SDK1: variants seen among roughly 807,000 people sequenced by gnomAD.
SDK1 encodes protein sidekick-1.
SDK1 carries 157 observed loss-of-function variants against 245.5 expected under a neutral mutation model. That is an observed-to-expected ratio of 0.64 (90% CI 0.56 to 0.73). The LOEUF (loss-of-function observed/expected upper bound fraction) is 0.73. SDK1 is among the 30% of genes least tolerant of loss of function. The probability of loss-of-function intolerance (pLI) is 0.00; values close to 1 mark genes in which losing one functional copy is unlikely to be tolerated. For synonymous variants in SDK1, 1,647 were observed against 1,278.5 expected (o/e 1.29, Z -6.15); for missense variants, 3,583 against 3,002.3 (o/e 1.19, Z -4.52).
intron 1 of SDK1, among the ~76,000 whole-genome samples, chr7:3,527,208 A>C (rs1044716054): frequency 5.9e-5 from 9 of 152,326 alleles, no homozygotes; most frequent in African/African-American, 2.2e-4. Context: ...ACAACGTCTG[A>C]GGCATTGTTG....
At chr7:3,487,081 A>G (rs1156959610) in intron 1 of SDK1, among the ~76,000 whole-genome samples, 1 of 152,192 alleles carries the variant, frequency 6.6e-6, no homozygotes, top group African/African-American at 2.4e-5. Context: ...GTCGCCTTAC[A>G]CAATATGTAA....
chr7:3,436,860 C>G (rs1174416456), intron 1 of SDK1, among the ~76,000 whole-genome samples: 1 of 152,072 alleles, frequency 6.6e-6, no homozygotes, highest in Non-Finnish European at 1.5e-5. Context: ...GTCTACCCTC[C>G]CCAAGAACCT....
rs559506907 is a variant in SDK1 at position 3,566,576 on chromosome 7, T to G, written c.299-52504T>G. 2.0e-5 allele frequency among the ~76,000 whole-genome samples: 3 copies of G among 152,148 alleles called. No individual in the cohort carries two copies. In the East Asian group the frequency reaches 5.8e-4, roughly 29 times the overall value. On this transcript the variant is annotated intron_variant, in intron 1 of 44. Transcript: ENST00000404826. ...GTAGAGGAAAATTGATCCACTTGAT[T>G]TTATCACCATTACAGATTCTGTTCA...
At chr7:3,458,676 A>G (rs1174188651) in intron 1 of SDK1, among the ~76,000 whole-genome samples, 3 of 152,146 alleles carry the variant, frequency 2.0e-5, no homozygotes, top group Non-Finnish European at 4.4e-5. Flanking sequence ...ATTGTTTTCT[A>G]TATAAATGTC....
chr7:3,384,539 T>G (rs1781563305), intron 1 of SDK1, among the ~76,000 whole-genome samples: 2 of 152,224 alleles, frequency 1.3e-5, no homozygotes, highest in Non-Finnish European at 1.5e-5. Flanking sequence ...ACCCAGTGTT[T>G]CCCAAGCTTG....
chr7:4,136,914 A>G (rs1779133458), intron 28 of SDK1, among the ~76,000 whole-genome samples: 1 of 152,240 alleles, frequency 6.6e-6, no homozygotes, highest in Non-Finnish European at 1.5e-5. Flanking sequence ...CCCACAGGCC[A>G]CGGCATCTAG....
At chr7:3,707,094 C>G (rs1264028665) in intron 4 of SDK1, among the ~76,000 whole-genome samples, 1 of 151,974 alleles carries the variant, frequency 6.6e-6, no homozygotes, top group Non-Finnish European at 1.5e-5. Flanking sequence ...CTTCTGCTAG[C>G]TTTGGGTTTA....
At chr7:3,903,437 C>T (rs879723476) in intron 5 of SDK1, among the ~76,000 whole-genome samples, 8 of 152,020 alleles carry the variant, frequency 5.3e-5, no homozygotes, top group Non-Finnish European at 7.4e-5. Context: ...CGAGCCACCG[C>T]GCCCGGCCGA....
intron 5 of SDK1, among the ~76,000 whole-genome samples, chr7:3,870,013 T>A (rs1780918789): frequency 6.6e-6 from 1 of 152,230 alleles, no homozygotes; most frequent in African/African-American, 2.4e-5. Flanking sequence ...CTAAGTGCAG[T>A]GCAAAAGGTT....
chr7:3,636,536 A>G (rs1782461762), intron 2 of SDK1, among the ~76,000 whole-genome samples: 1 of 152,158 alleles, frequency 6.6e-6, no homozygotes, highest in Non-Finnish European at 1.5e-5. Context: ...AAATGCCAGG[A>G]TTTCCTTCTT....
intron 42 of SDK1, among the ~76,000 whole-genome samples, chr7:4,239,860 A>G (rs1786411900): frequency 6.6e-6 from 1 of 152,190 alleles, no homozygotes; most frequent in South Asian, 2.1e-4. Flanking sequence ...GTTCTTAAAA[A>G]GAGGAGCTGG....
chr7:3,602,162 C>G (rs62437877), intron 1 of SDK1, among the ~76,000 whole-genome samples: 28,977 of 150,770 alleles, frequency 0.19, 3,226 homozygotes, highest in South Asian at 0.3. Context: ...CTTTATAGCA[C>G]AATGATTTAT....
At chr7:3,743,379 A>T (rs895637052) in intron 4 of SDK1, among the ~76,000 whole-genome samples, 1 of 152,174 alleles carries the variant, frequency 6.6e-6, no homozygotes, top group African/African-American at 2.4e-5. Flanking sequence ...CATTCAGCCC[A>T]TTCTCCTTGT....
chr7:3,687,469 C>G (rs1435815031), intron 4 of SDK1, among the ~76,000 whole-genome samples: 4 of 152,182 alleles, frequency 2.6e-5, no homozygotes, highest in Admixed American at 1.3e-4. Flanking sequence ...TGAAAACATC[C>G]CAAATGTCCC....
rs183465112 is a variant in SDK1 at position 3,689,192 on chromosome 7, T to A, written c.713+47087T>A. 5.3e-5 allele frequency among the ~76,000 whole-genome samples: 8 copies of A among 152,262 alleles called. No homozygotes were observed. In the East Asian group the frequency reaches 1.5e-3, roughly 29 times the overall value. The stretch of plus-strand genomic sequence containing the variant: ...TACAGAAAATGCTTGCCACCCTCTT[T>A]CCTAAGAACGTTATGATAACCCTGC... On this transcript the variant is annotated intron_variant, in intron 4 of 44. Coordinates refer to ENST00000404826, the MANE Select transcript of SDK1 (RefSeq NM_152744.4).
At chr7:4,060,751 C>T (rs975740112) in intron 19 of SDK1, among the ~76,000 whole-genome samples, 1 of 152,146 alleles carries the variant, frequency 6.6e-6, no homozygotes, top group African/African-American at 2.4e-5. Context: ...CCTAGGTTTT[C>T]TTCTAGGGTT....
chr7:3,665,625 G>A (rs1783500757), intron 4 of SDK1, among the ~76,000 whole-genome samples: 1 of 151,860 alleles, frequency 6.6e-6, no homozygotes, highest in South Asian at 2.1e-4. Flanking sequence ...TTTTTTGCAT[G>A]GGGAGGGAGT....
chr7:3,567,848 G>A (rs915781427), intron 1 of SDK1, among the ~76,000 whole-genome samples: 3 of 152,144 alleles, frequency 2.0e-5, no homozygotes, highest in Non-Finnish European at 4.4e-5. Flanking sequence ...GTCTTGCCCT[G>A]TTGCATAGGC....
chr7:3,538,573 G>C (rs976808742), intron 1 of SDK1, among the ~76,000 whole-genome samples: 14 of 152,164 alleles, frequency 9.2e-5, no homozygotes, highest in African/African-American at 3.4e-4. Flanking sequence ...CACTTACCTA[G>C]GCAGGCCAAT....
Sources: allele counts gnomAD v4.1 joint callset (sites outside exome capture counted in the v4.1 genomes callset), GRCh38; gene constraint gnomAD v4.1.1; transcripts MANE v1.5; gene names NCBI Gene and HGNC (gene_info 2026-07-23, HGNC 2026-07-21).